Variants in CSMD3 observed in about 807,000 individuals in gnomAD.
CSMD3 encodes CUB and sushi domain-containing protein 3.
In CSMD3, 177 loss-of-function variants were observed where a neutral mutation model predicts 435.2. The ratio of observed to expected loss-of-function variants is 0.41; its 90% confidence interval spans 0.36 to 0.46. The LOEUF is 0.46. CSMD3 is among the 20% of genes least tolerant of loss of function. The probability of loss-of-function intolerance (pLI) is 0.34; values close to 1 mark genes in which losing one functional copy is unlikely to be tolerated. For synonymous variants in CSMD3, 1,656 were observed against 1,520.5 expected, an observed-to-expected ratio of 1.09 and a Z score of -2.07; for missense variants, 4,265 against 4,504.6, an observed-to-expected ratio of 0.95 and a Z score of 1.52.
At chr8:113,022,345 T>C (rs911838769) in intron 5 of CSMD3, among the ~76,000 whole-genome samples, 3 of 151,998 alleles carry the variant, frequency 2.0e-5, no homozygotes, top group Admixed American at 1.3e-4. Context: ...AAGAAATAGA[T>C]TGTACACATT....
At chr8:113,138,281 C>T (rs1184201206) in intron 4 of CSMD3, among the ~76,000 whole-genome samples, 1 of 151,352 alleles carries the variant, frequency 6.6e-6, no homozygotes, top group East Asian at 1.9e-4. Context: ...ATTTGAGGGT[C>T]AGTGTCACTA....
chr8:112,584,045 A>G (rs968519592), intron 23 of CSMD3, among the ~76,000 whole-genome samples: 1 of 151,084 alleles, frequency 6.6e-6, no homozygotes. Flanking sequence ...AATGTTTTAC[A>G]AAAAAAAAGT....
At chr8:113,316,348 T>A (rs1166207109) in intron 1 of CSMD3, among the ~76,000 whole-genome samples, 1 of 152,236 alleles carries the variant, frequency 6.6e-6, no homozygotes, top group East Asian at 1.9e-4. Context: ...CTCCTCTCTT[T>A]GAGAAGAAAT....
chr8:112,490,287 C>CA (rs941391859), intron 31 of CSMD3, among the ~76,000 whole-genome samples: 2 of 152,098 alleles, frequency 1.3e-5, no homozygotes, highest in Admixed American at 1.3e-4. Context: ...TGTCAGAAGA[C>CA]ATCTATTTGA....
At chr8:113,358,294 T>C (rs1195423075) in intron 1 of CSMD3, among the ~76,000 whole-genome samples, 1 of 152,238 alleles carries the variant, frequency 6.6e-6, no homozygotes, top group Non-Finnish European at 1.5e-5. Context: ...AAATACTACA[T>C]ATGCAGAATC....
intron 4 of CSMD3, among the ~76,000 whole-genome samples, chr8:113,158,026 AG>A (rs898367272): frequency 5.3e-5 from 8 of 152,138 alleles, no homozygotes; most frequent in African/African-American, 1.9e-4. Context: ...ATAAGTAAGT[AG>A]AAAAAGAAGG....
chr8:112,705,705 G>T (rs917483526), intron 13 of CSMD3, among the ~76,000 whole-genome samples: 32 of 152,024 alleles, frequency 2.1e-4, no homozygotes, highest in African/African-American at 7.7e-4. Context: ...CCAAATAGGT[G>T]TATTCAGAAT....
At chr8:112,422,508 G>T (rs747429404) in intron 32 of CSMD3, among the ~76,000 whole-genome samples, 21 of 152,236 alleles carry the variant, frequency 1.4e-4, no homozygotes, top group Non-Finnish European at 2.5e-4. Flanking sequence ...TTGGGGATTT[G>T]CATTTCTACA....
At chr8:112,676,586 T>G (rs975211824) in intron 16 of CSMD3, among the ~76,000 whole-genome samples, 22 of 152,286 alleles carry the variant, frequency 1.4e-4, no homozygotes, top group African/African-American at 4.3e-4. Context: ...TTAATGCATC[T>G]TTCATTTTTG....
intron 1 of CSMD3, among the ~76,000 whole-genome samples, chr8:113,322,946 A>G (rs1300328973): frequency 6.6e-6 from 1 of 152,064 alleles, no homozygotes; most frequent in Non-Finnish European, 1.5e-5. Flanking sequence ...AGGTTTCACT[A>G]TGCTGGCCAG....
intron 45 of CSMD3, among the ~76,000 whole-genome samples, chr8:112,322,840 A>G (rs1216363259): frequency 1.3e-5 from 2 of 152,072 alleles, no homozygotes; most frequent in Non-Finnish European, 2.9e-5. Flanking sequence ...TTTAAGTTAC[A>G]TGACAGAGGC....
intron 32 of CSMD3, among the ~76,000 whole-genome samples, chr8:112,426,954 C>T (rs909959966): frequency 3.9e-5 from 6 of 152,186 alleles, no homozygotes; most frequent in Admixed American, 3.9e-4. Context: ...ATTGTGTCAG[C>T]ATGGCTCTCC....
intron 6 of CSMD3, among the ~76,000 whole-genome samples, chr8:113,008,290 G>C (rs183597606): frequency 6.0e-4 from 91 of 151,798 alleles, no homozygotes; most frequent in African/African-American, 2.1e-3. Flanking sequence ...AAATCATAAA[G>C]AGTGAACAAT....
At chr8:112,771,540 AAAAAAG>A (rs947059979) in intron 13 of CSMD3, among the ~76,000 whole-genome samples, 2 of 152,108 alleles carry the variant, frequency 1.3e-5, no homozygotes, top group African/African-American at 2.4e-5. Flanking sequence ...CTCTGTCTCA[AAAAAAG>A]AAAAAGAAAA....
At chr8:113,069,178 T>C (rs1028652889) in intron 5 of CSMD3, among the ~76,000 whole-genome samples, 2 of 152,116 alleles carry the variant, frequency 1.3e-5, no homozygotes, top group Non-Finnish European at 2.9e-5. Flanking sequence ...TTTTGTACTA[T>C]AGAATAGGCT....
At chr8:112,496,842 G>A (rs2130880582) in intron 30 of CSMD3, among the ~76,000 whole-genome samples, 1 of 151,620 alleles carries the variant, frequency 6.6e-6, no homozygotes, top group East Asian at 2.0e-4. Flanking sequence ...TAGTTAATTG[G>A]TACAAAAAAA....
At chr8:112,896,652 TTTC>T (rs1033767040) in intron 10 of CSMD3, among the ~76,000 whole-genome samples, 3 of 151,472 alleles carry the variant, frequency 2.0e-5, no homozygotes, top group Non-Finnish European at 1.5e-5. Flanking sequence ...GTTATCACAA[TTTC>T]TTGTCTGGAC....
chr8:112,412,919 C>T (rs186321245), intron 32 of CSMD3, among the ~76,000 whole-genome samples: 58 of 152,038 alleles, frequency 3.8e-4, no homozygotes, highest in Admixed American at 2.7e-3. Context: ...TTAGGCTGGC[C>T]AATTAATTAT....
At chr8:112,573,381 A>G in intron 24 of CSMD3, 120 bp downstream of exon 24, 1 of 904,008 alleles carries the variant, frequency 1.1e-6, no homozygotes, top group Non-Finnish European at 1.8e-6. Flanking sequence ...TTATATATGT[A>G]GAAAGGAGCT....
Sources: allele counts gnomAD v4.1 joint callset (sites outside exome capture counted in the v4.1 genomes callset), GRCh38; gene constraint gnomAD v4.1.1; transcripts MANE v1.5; gene names NCBI Gene and HGNC (gene_info 2026-07-23, HGNC 2026-07-21).